The following TOX3 variants were observed in gnomAD, a reference collection of about 807,000 sequenced individuals.
The protein encoded by TOX3 is TOX high mobility group box family member 3.
In TOX3, 22 loss-of-function variants were observed where a neutral mutation model predicts 64.3. The observed-to-expected ratio is 0.34, with a 90% CI of 0.24 to 0.49. TOX3 has a LOEUF of 0.49. TOX3 is among the 20% of genes least tolerant of loss of function. The probability of loss-of-function intolerance (pLI) is 0.99; values close to 1 mark genes in which losing one functional copy is unlikely to be tolerated. For synonymous variants in TOX3, 291 were observed against 273.6 expected, an observed-to-expected ratio of 1.06 and a Z score of -0.63; for missense variants, 661 against 714.4, an observed-to-expected ratio of 0.93 and a Z score of 0.85.
At chr16:52,491,929 G>A (rs553369116) in intron 1 of TOX3, among the ~76,000 whole-genome samples, 2 of 151,888 alleles carry the variant, frequency 1.3e-5, no homozygotes, top group African/African-American at 4.8e-5. Context: ...AAAGTACCAC[G>A]GCCACAGATG....
intron 3 of TOX3, among the ~76,000 whole-genome samples, chr16:52,456,963 G>A (rs537194893): frequency 3.9e-5 from 6 of 152,096 alleles, no homozygotes; most frequent in Non-Finnish European, 8.8e-5. Flanking sequence ...AGAATTGAAA[G>A]GTGAAAAACT....
chr16:52,468,344 T>C (rs909052823), intron 2 of TOX3, among the ~76,000 whole-genome samples, 165 bp downstream of exon 2: 1 of 152,210 alleles, frequency 6.6e-6, no homozygotes, highest in Admixed American at 6.5e-5. Flanking sequence ...AAAAGACTTA[T>C]CAGGTTTTCT....
chr16:52,474,028 C>T (rs1961132790), intron 1 of TOX3, among the ~76,000 whole-genome samples: 1 of 152,160 alleles, frequency 6.6e-6, no homozygotes. Context: ...CTCGTACATC[C>T]AACGGTCTAC....
intron 1 of TOX3, among the ~76,000 whole-genome samples, chr16:52,527,095 C>T (rs568428344): frequency 5.9e-5 from 9 of 152,154 alleles, no homozygotes; most frequent in African/African-American, 2.2e-4. Flanking sequence ...ACACAGTAGC[C>T]ATTCCATAAA....
intron 3 of TOX3, among the ~76,000 whole-genome samples, chr16:52,453,927 T>G (rs554748322): frequency 1.3e-5 from 2 of 152,362 alleles, no homozygotes; most frequent in Non-Finnish European, 2.9e-5. Flanking sequence ...TTTATTACTA[T>G]GAGCCAGCAT....
chr16:52,463,812 T>C lies in TOX3; in HGVS notation c.408+122A>G. 2.5e-6 allele frequency: 3 copies of C among 1,217,286 alleles called. No individual in the cohort carries two copies. The South Asian group carries it at 7.4e-5, about 30-fold the overall frequency. The allele number at this position is 1,217,286 out of a possible 1,614,324, so 75.4% of individuals were successfully genotyped here. A position where few individuals can be genotyped will look rare whatever the true frequency, so the allele number is the denominator to read the frequency against. On this transcript the variant is annotated intron_variant, in intron 3 of 6. Transcript: ENST00000219746. The stretch of plus-strand genomic sequence containing the variant: ...CAGCGATCCAGTACCTGCATGTAAA[T>C]AGCACTAGAATCAATCCACTAGGAA...
chr16:52,488,542 T>C (rs1427869495), intron 1 of TOX3, among the ~76,000 whole-genome samples: 1 of 152,196 alleles, frequency 6.6e-6, no homozygotes, highest in East Asian at 1.9e-4. Context: ...GGATGCAATT[T>C]TTTCTTCTTG....
At chr16:52,468,703 G>T in intron 1 of TOX3, 129 bp from the exon 2 acceptor site, 1 of 676,034 alleles carries the variant, frequency 1.5e-6, no homozygotes, top group Non-Finnish European at 2.6e-6. Context: ...ACATGACAAA[G>T]GTTTCAAGGC....
Position 52,439,988 on chromosome 16 carries a change from A to G in TOX3, c.988-20T>C, listed in dbSNP as rs959308533. The stretch of plus-strand genomic sequence containing the variant: ...AGCAGCCTGCATTTTGGGGGAGAAA[A>G]TTCCAGACTGTTACAACACATAAGT... On this transcript the variant is annotated intron_variant, in intron 6 of 6. Transcript: ENST00000219746. The G allele has an allele frequency of 1.3e-6, 2 of 1,518,956 alleles. No homozygotes were observed. The highest frequency in any genetic ancestry group is 1.8e-6 in the Non-Finnish European group (2 of 1,133,256). The allele number at this position is 1,518,956 out of a possible 1,614,324, so 94.1% of individuals were successfully genotyped here.
At chr16:52,510,087 C>T (rs920886118) in intron 1 of TOX3, among the ~76,000 whole-genome samples, 1 of 150,622 alleles carries the variant, frequency 6.6e-6, no homozygotes, top group African/African-American at 2.4e-5. Flanking sequence ...CCTCTGATAC[C>T]TCAAAAAATA....
intron 1 of TOX3, among the ~76,000 whole-genome samples, chr16:52,488,311 A>G (rs1221246463): frequency 6.6e-6 from 1 of 152,122 alleles, no homozygotes; most frequent in African/African-American, 2.4e-5. Flanking sequence ...AGCTCAAGCT[A>G]CCAGATTTAC....
At chr16:52,499,580 A>C (rs148507971) in intron 1 of TOX3, among the ~76,000 whole-genome samples, 45 of 152,318 alleles carry the variant, frequency 3.0e-4, no homozygotes, top group African/African-American at 9.9e-4. Context: ...CCTGAGGTCA[A>C]AGGACTTTTT....
At position 52,444,499 on chromosome 16, in the gene TOX3, GCACACACACACACACACACACA is replaced by G; in HGVS notation, c.907-165_907-144del. The stretch of plus-strand genomic sequence containing the variant: ...CTTTGATTTTTAAATGTTAGCGCAT[GCACACACACACACACACACACA>G]CACACACACACACGGATATTAAAAC... On this transcript the variant is annotated intron_variant, in intron 5 of 6. Transcript: ENST00000219746. 3 of 379,824 alleles carry G rather than the reference GCACACACACACACACACACACA, an allele frequency of 7.9e-6. No individual in the cohort carries two copies. In the East Asian group the frequency reaches 1.3e-4, roughly 16 times the overall value. The allele number at this position is 379,824 out of a possible 1,614,324, so 23.5% of individuals were successfully genotyped here.
intron 5 of TOX3, 28 bp downstream of exon 5, chr16:52,445,966 A>T: frequency 6.3e-7 from 1 of 1,594,300 alleles, no homozygotes; most frequent in East Asian, 2.2e-5. Flanking sequence ...AGGTTTATTG[A>T]TGGAGCCTTG....
chr16:52,514,936 G>C (rs954643258), intron 1 of TOX3, among the ~76,000 whole-genome samples: 1 of 147,938 alleles, frequency 6.8e-6, no homozygotes, highest in African/African-American at 2.5e-5. Flanking sequence ...GCATGAACCC[G>C]GGAGGTGGAG....
At chr16:52,447,144 C>T (rs972396156) in intron 4 of TOX3, among the ~76,000 whole-genome samples, 1 of 152,134 alleles carries the variant, frequency 6.6e-6, no homozygotes, top group South Asian at 2.1e-4. Flanking sequence ...GTTCACTGAT[C>T]ATTTAACATA....
At chr16:52,516,036 T>TA (rs1012282603) in intron 1 of TOX3, among the ~76,000 whole-genome samples, 4 of 152,024 alleles carry the variant, frequency 2.6e-5, no homozygotes, top group East Asian at 3.9e-4. Context: ...ATACTTGTTT[T>TA]AAAAAAATCC....
At position 52,439,600 on chromosome 16, in the gene TOX3, TTGC is replaced by T. The variant is rs539707755; in HGVS notation, c.1353_1355del (p.Gln455del). 2,154 of 1,590,682 alleles carry T rather than the reference TTGC, an allele frequency of 1.4e-3. 11 individuals carry two copies. The African/African-American group carries it at 0.015, about 11-fold the overall frequency. On this transcript the variant is annotated inframe_deletion, in exon 7 of 7. Coordinates refer to ENST00000219746, the MANE Select transcript of TOX3 (RefSeq NM_001080430.4). ...GCTGCATCTGTTGCATCTGTTGTTG[TTGC>T]TGCTGCTGCTGCTGCTGCAATTGCA... is the stretch of plus-strand genomic sequence containing the variant.
chr16:52,478,080 A>G lies in TOX3; in HGVS notation c.88-9506T>C, dbSNP rs139918031. ...TTGAAGAAACCAAAAGAGACCAAGC[A>G]TATCTGTTTTACAAACTGCTATAGC... On this transcript the variant is annotated intron_variant, in intron 1 of 6. Transcript: ENST00000219746. Among the ~76,000 whole-genome samples, 558 of 152,344 alleles carry G rather than the reference A, an allele frequency of 3.7e-3. 5 individuals carry two copies. Among genetic ancestry groups the G allele is most frequent in the African/African-American group, 0.013 (526 of 41,586 alleles).
Sources: allele counts gnomAD v4.1 joint callset (sites outside exome capture counted in the v4.1 genomes callset), GRCh38; gene constraint gnomAD v4.1.1; transcripts MANE v1.5; gene names NCBI Gene and HGNC (gene_info 2026-07-23, HGNC 2026-07-21).